PTPN23: variants seen among roughly 807,000 people sequenced by gnomAD.
The protein encoded by PTPN23 is tyrosine-protein phosphatase non-receptor type 23.
PTPN23 carries 72 observed loss-of-function variants against 156.3 expected under a neutral mutation model. The ratio of observed to expected loss-of-function variants is 0.46; its 90% confidence interval spans 0.38 to 0.56. The LOEUF is 0.56. PTPN23 is among the 20% of genes least tolerant of loss of function. PTPN23 has a pLI of 0.00. For missense variants in PTPN23, 1,974 were observed against 2,171.5 expected (o/e 0.91, Z 1.81); for synonymous variants, 957 against 899.6 (o/e 1.06, Z -1.14).
At chr3:47,386,554 T>A (rs1704656893) in intron 1 of PTPN23, among the ~76,000 whole-genome samples, 1 of 152,212 alleles carries the variant, frequency 6.6e-6, no homozygotes, top group Non-Finnish European at 1.5e-5. Context: ...ATGGAATTTT[T>A]TCCCCTTCCA....
At chr3:47,383,112 G>A (rs1017433001) in intron 1 of PTPN23, among the ~76,000 whole-genome samples, 5 of 152,076 alleles carry the variant, frequency 3.3e-5, no homozygotes, top group African/African-American at 1.2e-4. Context: ...ACTTCTTTCA[G>A]CATTTATTGA....
chr3:47,388,027 C>T (rs1704690078), intron 1 of PTPN23, among the ~76,000 whole-genome samples: 1 of 152,152 alleles, frequency 6.6e-6, no homozygotes. Flanking sequence ...ATGGAAATAG[C>T]ATAGCTATTG....
intron 2 of PTPN23, among the ~76,000 whole-genome samples, chr3:47,397,628 A>C (rs1457068078): frequency 6.6e-6 from 1 of 152,112 alleles, no homozygotes; most frequent in African/African-American, 2.4e-5. Context: ...CCATCAGTAA[A>C]TTTTTGGATA....
At position 47,409,994 on chromosome 3, in the gene PTPN23, G is replaced by C; in HGVS notation, c.2196G>C (p.Glu732Asp). ...APKPLLPRRE[E>D]SEAVEAGDPP... ...AGCCGCTGCTGCCCCGCAGGGAGGA[G>C]AGTGAGGCAGTGGAAGCAGGAGACC... is the stretch of plus-strand genomic sequence containing the variant. The change falls in exon 20 of 25, where the codon GAG (glutamate) becomes GAC (aspartate). Residue 732 changes from glutamate to aspartate, a missense_variant. Physicochemically the swap from Glu to Asp is conservative, Grantham distance 45. Coordinates refer to ENST00000265562, the MANE Select transcript of PTPN23 (RefSeq NM_015466.4). The C allele has an allele frequency of 6.2e-7, 1 of 1,602,864 alleles. No homozygotes were observed. Among genetic ancestry groups the C allele is most frequent in the Admixed American group, 1.7e-5 (1 of 57,654 alleles).
chr3:47,412,244 A>G (rs1250854289), intron 22 of PTPN23, 39 bp from the exon 23 acceptor site: 2 of 1,613,046 alleles, frequency 1.2e-6, no homozygotes, highest in South Asian at 2.2e-5. Context: ...CTCTTGGCCT[A>G]GCCTCATACC....
chr3:47,409,455 G>A lies in PTPN23; in HGVS notation c.1836G>A (p.Leu612=), dbSNP rs1705211556. Residue 612 remains leucine, a synonymous_variant, in exon 18 of 25, where the codon CTG becomes CTA. Transcript: ENST00000265562. ...AGCAGCTGAAAAAGTATGACCAGCT[G>A]AAGGTGTACCTGGAGCAGAACCTGG... ...FEEQLKKYDQ[L]KVYLEQNLAA... is the part of the protein sequence containing the mutation. 6.2e-7 allele frequency: 1 copy of A among 1,614,072 alleles called. No homozygotes were observed. The highest frequency in any genetic ancestry group is 1.3e-5 in the African/African-American group (1 of 74,930).
chr3:47,413,275 T>TCTC lies in PTPN23; in HGVS notation c.*91_*93dup, dbSNP rs1285100045. 2.7e-6 allele frequency: 4 copies of TCTC among 1,492,952 alleles called. No individual in the cohort carries two copies. Among genetic ancestry groups the TCTC allele is most frequent in the Non-Finnish European group, 3.6e-6 (4 of 1,104,368 alleles). 92.5% of individuals were successfully genotyped at this position (1,492,952 alleles called of 1,614,324 possible). Reference sequence around the variant, plus strand: ...CAGCAGAGCTTCTCAGTGGGCACAGTCTCTTACTCCCATTTCTGCTGCCTT... The same window carrying TCTC: ...CAGCAGAGCTTCTCAGTGGGCACAGTCTCCTCTTACTCCCATTTCTGCTGCCTT... On this transcript the variant is annotated 3_prime_UTR_variant, in exon 25 of 25. Transcript: ENST00000265562.
At chr3:47,408,071 C>G in intron 14 of PTPN23, 116 bp downstream of exon 14, 1 of 1,302,874 alleles carries the variant, frequency 7.7e-7, no homozygotes, top group South Asian at 1.3e-5. Context: ...AACAGGTTTC[C>G]CAATGCTGCC....
intron 2 of PTPN23, among the ~76,000 whole-genome samples, chr3:47,401,571 G>A (rs559733526): frequency 4.6e-5 from 7 of 152,250 alleles, no homozygotes; most frequent in Admixed American, 3.3e-4. Context: ...TGTGGCTAGC[G>A]CATCACACCT....
intron 1 of PTPN23, among the ~76,000 whole-genome samples, chr3:47,390,981 A>G (rs1285801981): frequency 5.3e-5 from 8 of 152,186 alleles, no homozygotes; most frequent in Admixed American, 4.6e-4. Flanking sequence ...GTGATGGCTC[A>G]TGTCTGTAAT....
Position 47,406,189 on chromosome 3 carries a change from G to A in PTPN23, c.547-136G>A, listed in dbSNP as rs1286906504. 6 of 1,465,586 alleles carry A rather than the reference G, an allele frequency of 4.1e-6. No individual in the cohort carries two copies. Among genetic ancestry groups the A allele is most frequent in the South Asian group, 1.2e-5 (1 of 80,556 alleles). The allele number at this position is 1,465,586 out of a possible 1,614,324, so 90.8% of individuals were successfully genotyped here. ...TTTGTTGAATCAGGAGCACCGTGGT[G>A]CTGCTTGGAGTGGGGGCAGCTGGGG... On this transcript the variant is annotated intron_variant, in intron 6 of 24. Coordinates refer to ENST00000265562, the MANE Select transcript of PTPN23 (RefSeq NM_015466.4). The surrounding 1 kb of genome is among the most constrained non-coding windows in gnomAD (Gnocchi z 5.8).
intron 1 of PTPN23, among the ~76,000 whole-genome samples, chr3:47,382,232 G>GA (rs1189954124): frequency 2.0e-5 from 3 of 152,142 alleles, no homozygotes; most frequent in Non-Finnish European, 4.4e-5. Flanking sequence ...TTGGGGCCAG[G>GA]AAATGAGGGT....
At chr3:47,408,539 T>C (rs1340816904) in intron 15 of PTPN23, 49 bp downstream of exon 15, 6 of 1,572,112 alleles carry the variant, frequency 3.8e-6, no homozygotes, top group Non-Finnish European at 5.2e-6. Flanking sequence ...GGAGGTCATC[T>C]GCTGTGGCCT....
chr3:47,400,862 C>T (rs1276248773), intron 2 of PTPN23, among the ~76,000 whole-genome samples: 1 of 152,184 alleles, frequency 6.6e-6, no homozygotes, highest in Non-Finnish European at 1.5e-5. Flanking sequence ...GTGTGAGCCA[C>T]AGCACCCGGC....
chr3:47,409,429 G>C lies in PTPN23; in HGVS notation c.1810G>C (p.Glu604Gln). 6.2e-7 allele frequency: 1 copy of C among 1,614,118 alleles called. No homozygotes were observed. The highest frequency in any genetic ancestry group is 8.5e-7 in the Non-Finnish European group (1 of 1,180,020). ...ACCCCTTCCTCAGAAGTTGTTCGAG[G>C]AGCAGCTGAAAAAGTATGACCAGCT... ...DHSEMKKLFE[E>Q]QLKKYDQLKV... Residue 604 changes from glutamate (E) to glutamine (Q), a missense_variant, in exon 18 of 25, where the codon GAG becomes CAG. Physicochemically the swap from Glu to Gln is conservative, Grantham distance 29. This residue lies in a region of PTPN23 where 726 missense variants were observed against 929.5 expected (regional missense o/e 0.78). Transcript: ENST00000265562.
At position 47,411,114 on chromosome 3, in the gene PTPN23, C is replaced by G; in HGVS notation, c.3316C>G (p.Pro1106Ala). 1 of 1,604,180 alleles carries G rather than the reference C, an allele frequency of 6.2e-7. No individual in the cohort carries two copies. The highest frequency in any genetic ancestry group is 8.5e-7 in the Non-Finnish European group (1 of 1,176,534). Residue 1106 changes from proline (P) to alanine (A), a missense_variant, in exon 20 of 25, where the codon CCA (proline) becomes GCA (alanine). Pro to Ala is a conservative substitution (Grantham distance 27). Coordinates refer to ENST00000265562, the MANE Select transcript of PTPN23 (RefSeq NM_015466.4). The surrounding 1 kb of genome is among the most constrained non-coding windows in gnomAD (Gnocchi z 6.3). Reference sequence around the variant, plus strand: ...ACCCCCTCGCCCCCCAGCAGCAGAACCACCCCCTTGCCTGCGCCGAGGCGC... The same window carrying G: ...ACCCCCTCGCCCCCCAGCAGCAGAAGCACCCCCTTGCCTGCGCCGAGGCGC... ...PVPPRPPAAE[P>A]PPCLRRGAAA...
At position 47,396,131 on chromosome 3, in the gene PTPN23, C is replaced by T. The variant is rs1704874565; in HGVS notation, c.85-12C>T. 1.9e-6 allele frequency: 3 copies of T among 1,608,908 alleles called. No homozygotes were observed. The highest frequency in any genetic ancestry group is 2.5e-6 in the Non-Finnish European group (3 of 1,176,940). ...TTCTCTGCCACTGGCTTATGTTCTT[C>T]TCTCTCTGTAGTTTGTCCTGAAGAA... On this transcript the variant is annotated splice_polypyrimidine_tract_variant and intron_variant, in intron 1 of 24. Coordinates refer to ENST00000265562, the MANE Select transcript of PTPN23 (RefSeq NM_015466.4).
At chr3:47,402,397 A>G (rs989435200) in intron 2 of PTPN23, among the ~76,000 whole-genome samples, 1 of 151,960 alleles carries the variant, frequency 6.6e-6, no homozygotes, top group African/African-American at 2.4e-5. Flanking sequence ...CTCCTGCCTC[A>G]GCCTCCTGAG....
Position 47,406,805 on chromosome 3 carries a change from C to T in PTPN23, c.807+55C>T, listed in dbSNP as rs868749728. Reference sequence around the variant, plus strand: ...CCAATGGCAGCCTTCAGTGAGATGCCGGTGTGCTCCCGCTCCTTACACACC... The same window carrying T: ...CCAATGGCAGCCTTCAGTGAGATGCTGGTGTGCTCCCGCTCCTTACACACC... On this transcript the variant is annotated intron_variant, in intron 9 of 24. Coordinates refer to ENST00000265562, the MANE Select transcript of PTPN23 (RefSeq NM_015466.4). This position sits in a 1 kb window ranked among gnomAD's most constrained non-coding sequence, Gnocchi z 5.8. 3.6e-5 allele frequency: 57 copies of T among 1,603,808 alleles called. 1 individual carries two copies. Among genetic ancestry groups the T allele is most frequent in the East Asian group, 9.0e-5 (4 of 44,680 alleles).
Sources: allele counts gnomAD v4.1 joint callset (sites outside exome capture counted in the v4.1 genomes callset), GRCh38; gene constraint gnomAD v4.1.1; regional missense constraint gnomAD v4.1.1; non-coding constraint Gnocchi (gnomAD v3.1); transcripts MANE v1.5; gene names NCBI Gene and HGNC (gene_info 2026-07-23, HGNC 2026-07-21).